Variants in PAG1 observed in about 807,000 individuals in gnomAD.
PAG1 encodes phosphoprotein associated with glycosphingolipid-enriched microdomains 1.
PAG1 carries 23 observed loss-of-function variants against 31.7 expected under a neutral mutation model. That is an observed-to-expected ratio of 0.73 (90% CI 0.52 to 1.03). PAG1 has a LOEUF of 1.03. Ranked by LOEUF, PAG1 falls within the 50% of genes least tolerant of loss-of-function variation. The pLI is 0.00. For missense variants in PAG1, 473 were observed against 540.7 expected (o/e 0.87, Z 1.24); for synonymous variants, 214 against 210.3 (o/e 1.02, Z -0.15).
chr8:81,043,834 GTTC>G (rs1377994546), intron 2 of PAG1, among the ~76,000 whole-genome samples: 1 of 152,106 alleles, frequency 6.6e-6, no homozygotes, highest in Non-Finnish European at 1.5e-5. Context: ...ATAATCCTTT[GTTC>G]TTCTGGATTT....
chr8:81,070,748 G>A (rs1251997913), intron 1 of PAG1, among the ~76,000 whole-genome samples: 1 of 151,670 alleles, frequency 6.6e-6, no homozygotes, highest in Non-Finnish European at 1.5e-5. Context: ...TAAATATGCT[G>A]TATTTTTGTT....
At chr8:80,995,133 T>C (rs187585967) in intron 3 of PAG1, among the ~76,000 whole-genome samples, 8 of 152,322 alleles carry the variant, frequency 5.3e-5, no homozygotes, top group Admixed American at 4.6e-4. Context: ...TATTTGAATA[T>C]TCAAAGTTAA....
chr8:81,001,882 G>A (rs1294322542), intron 3 of PAG1, among the ~76,000 whole-genome samples: 1 of 152,088 alleles, frequency 6.6e-6, no homozygotes, highest in Non-Finnish European at 1.5e-5. Flanking sequence ...GGCCTGTCTG[G>A]GACAGCAGCA....
At chr8:81,003,704 A>G (rs1037796042) in intron 3 of PAG1, among the ~76,000 whole-genome samples, 1 of 152,160 alleles carries the variant, frequency 6.6e-6, no homozygotes, top group African/African-American at 2.4e-5. Context: ...GGTTCTTTTG[A>G]ACCCTTAGTT....
At position 80,985,473 on chromosome 8, in the gene PAG1, C is replaced by A. The variant is rs556446735; in HGVS notation, c.275-96G>T. The A allele has an allele frequency of 5.7e-4, 735 of 1,290,974 alleles. 5 individuals carry two copies. In the South Asian group the frequency reaches 8.2e-3, roughly 14 times the overall value. The allele number at this position is 1,290,974 out of a possible 1,614,324, so 80.0% of individuals were successfully genotyped here. ...TATAAAGTTAGGTTAAATCAAGATGCGTGCTTTTTATTTAAGTCTCAGGCA... is the reference window on the plus strand; with the variant it reads ...TATAAAGTTAGGTTAAATCAAGATGAGTGCTTTTTATTTAAGTCTCAGGCA... On this transcript the variant is annotated intron_variant, in intron 6 of 8. Transcript: ENST00000220597.
At chr8:81,018,094 C>T (rs1004716983) in intron 3 of PAG1, among the ~76,000 whole-genome samples, 8 of 152,150 alleles carry the variant, frequency 5.3e-5, no homozygotes, top group Admixed American at 1.3e-4. Flanking sequence ...AAGTAACTTC[C>T]TGATAATTAA....
At chr8:80,998,682 T>C (rs1057076972) in intron 3 of PAG1, among the ~76,000 whole-genome samples, 1 of 152,190 alleles carries the variant, frequency 6.6e-6, no homozygotes, top group African/African-American at 2.4e-5. Context: ...ACAGGTAGGT[T>C]CTCTGATCAT....
chr8:81,078,346 A>G (rs1224601943), intron 1 of PAG1, among the ~76,000 whole-genome samples: 1 of 152,238 alleles, frequency 6.6e-6, no homozygotes, highest in East Asian at 1.9e-4. Context: ...GTTAAGTAGG[A>G]ATAAGAACTA....
At position 80,972,893 on chromosome 8, in the gene PAG1, G is replaced by A. The variant is rs1807106429; in HGVS notation, c.*3651C>T. 1.3e-5 allele frequency: 2 copies of A among 151,572 alleles called. No homozygotes were observed. The highest frequency in any genetic ancestry group is 3.9e-4 in the East Asian group (2 of 5,174). The allele number at this position is 151,572 out of a possible 1,614,324, so 9.4% of individuals were successfully genotyped here. On this transcript the variant is annotated 3_prime_UTR_variant, in exon 9 of 9. Coordinates refer to ENST00000220597, the MANE Select transcript of PAG1 (RefSeq NM_018440.4). ...ACATAATAGAACATATCCTAATTAA[G>A]CACCAGAGTTGTGTCAGAGCCAAGT...
At chr8:81,093,739 G>A (rs143615650) in intron 1 of PAG1, among the ~76,000 whole-genome samples, 6 of 151,480 alleles carry the variant, frequency 4.0e-5, no homozygotes, top group African/African-American at 1.5e-4. Flanking sequence ...CTCTCTGGAC[G>A]ATCAGCCACA....
intron 1 of PAG1, among the ~76,000 whole-genome samples, chr8:81,090,865 T>G (rs76735997): frequency 0.032 from 4,900 of 152,284 alleles, 271 homozygotes; most frequent in African/African-American, 0.11. Context: ...GAGTTAGATC[T>G]CTTACCTGGA....
At chr8:81,025,561 C>T (rs1467880788) in intron 3 of PAG1, among the ~76,000 whole-genome samples, 1 of 152,076 alleles carries the variant, frequency 6.6e-6, no homozygotes, top group Admixed American at 6.5e-5. Context: ...ACTGGCAGGT[C>T]GTGCTACACC....
intron 7 of PAG1, among the ~76,000 whole-genome samples, chr8:80,982,266 T>A (rs1192638799): frequency 2.0e-5 from 3 of 152,148 alleles, no homozygotes; most frequent in African/African-American, 7.2e-5. Context: ...TTCAGTCATG[T>A]TTCTGCCTCT....
intron 3 of PAG1, 129 bp from the exon 4 acceptor site, chr8:80,993,436 C>A (rs1366222011): frequency 6.0e-6 from 3 of 497,116 alleles, no homozygotes; most frequent in African/African-American, 6.0e-5. Flanking sequence ...TGAGGAGAGC[C>A]CCGGACTGGA....
intron 2 of PAG1, among the ~76,000 whole-genome samples, chr8:81,034,513 A>G (rs1017691169): frequency 1.3e-5 from 2 of 152,200 alleles, no homozygotes; most frequent in Non-Finnish European, 1.5e-5. Flanking sequence ...TAAACCAATA[A>G]ACAAAACTTA....
chr8:81,065,008 C>G (rs1808979438), intron 2 of PAG1, among the ~76,000 whole-genome samples: 1 of 152,186 alleles, frequency 6.6e-6, no homozygotes, highest in Admixed American at 6.5e-5. Context: ...AGAGACAGCA[C>G]CTTTAAGGCT....
At chr8:81,012,978 G>A (rs888324480) in intron 3 of PAG1, among the ~76,000 whole-genome samples, 6 of 152,132 alleles carry the variant, frequency 3.9e-5, no homozygotes, top group South Asian at 2.1e-4. Flanking sequence ...ACCCATGTCC[G>A]TCAACTCACA....
At position 80,969,118 on chromosome 8, in the gene PAG1, T is replaced by A. The variant is rs978486704; in HGVS notation, c.*7426A>T. On this transcript the variant is annotated 3_prime_UTR_variant, in exon 9 of 9. Transcript: ENST00000220597. ...TTTCACATTGCTTCTCCTCAAGACATGAGCATTGCTGCAGGCATGGCCATC... is the reference window on the plus strand; with the variant it reads ...TTTCACATTGCTTCTCCTCAAGACAAGAGCATTGCTGCAGGCATGGCCATC... The A allele has an allele frequency of 6.6e-6, 1 of 152,226 alleles. No individual in the cohort carries two copies. Among genetic ancestry groups the A allele is most frequent in the African/African-American group, 2.4e-5 (1 of 41,458 alleles). The allele number at this position is 152,226 out of a possible 1,614,324, so 9.4% of individuals were successfully genotyped here.
intron 1 of PAG1, among the ~76,000 whole-genome samples, chr8:81,084,071 A>G (rs975405774): frequency 4.6e-5 from 7 of 152,094 alleles, no homozygotes; most frequent in Non-Finnish European, 8.8e-5. Flanking sequence ...GCTCTGGGAA[A>G]TACGACTCAA....
Sources: gnomAD v4.1 joint callset for allele counts (sites outside exome capture counted in the v4.1 genomes callset) on GRCh38, gnomAD v4.1.1 for gene constraint, MANE v1.5 for transcripts, NCBI Gene and HGNC (gene_info 2026-07-23, HGNC 2026-07-21) for gene names.